PIK3CG: variants seen among roughly 807,000 people sequenced by gnomAD.
The protein encoded by PIK3CG is phosphatidylinositol 4,5-bisphosphate 3-kinase catalytic subunit gamma isoform.
PIK3CG carries 55 observed loss-of-function variants against 102.3 expected under a neutral mutation model. That is an observed-to-expected ratio of 0.54 (90% CI 0.43 to 0.67). The LOEUF is 0.67. Ranked by LOEUF, PIK3CG falls within the 30% of genes least tolerant of loss-of-function variation. PIK3CG has a pLI of 0.00. For synonymous variants in PIK3CG, 552 were observed against 540.0 expected, an observed-to-expected ratio of 1.02 and a Z score of -0.31; for missense variants, 1,258 against 1,391.8, an observed-to-expected ratio of 0.90 and a Z score of 1.53.
chr7:106,871,724 A>C (rs1475696568), intron 2 of PIK3CG, among the ~76,000 whole-genome samples: 1 of 152,256 alleles, frequency 6.6e-6, no homozygotes, highest in Non-Finnish European at 1.5e-5. Flanking sequence ...ACAGAAAAGC[A>C]CAGAGAACAA....
At chr7:106,896,922 A>G (rs1267958997) in intron 10 of PIK3CG, among the ~76,000 whole-genome samples, 1 of 152,196 alleles carries the variant, frequency 6.6e-6, no homozygotes, top group Non-Finnish European at 1.5e-5. Context: ...CAGTTACCCT[A>G]CCACACACAA....
rs781726578 is a variant in PIK3CG, at chr7:106,868,131, C to A, written c.570C>A (p.Ser190Arg). 1 of 1,612,078 alleles carries A rather than the reference C, an allele frequency of 6.2e-7. No homozygotes were observed. The change falls in exon 2 of 11, where the codon AGC (serine) becomes AGA (arginine). Residue 190 changes from serine (S) to arginine (R), a missense_variant. Transcript: ENST00000496166. The surrounding 1 kb of genome is among the most constrained non-coding windows in gnomAD (Gnocchi z 6.2). ...LVTPRMAEVASRDPKLYAMHP... is the reference protein window; with the variant it reads ...LVTPRMAEVARRDPKLYAMHP... ...CCCCGCGCATGGCGGAGGTGGCCAG[C>A]CGCGACCCCAAGCTCTACGCCATGC...
rs1027842045 is a variant in PIK3CG at position 106,893,828 on chromosome 7, C to T, written c.3030+7536C>T. ...TTGTGTAAACATCAGAGTGAACTTA[C>T]ACAAACCTAGGTGGTAGTCTTCCAC... is the stretch of plus-strand genomic sequence containing the variant. On this transcript the variant is annotated intron_variant, in intron 10 of 10. Transcript: ENST00000496166. This position sits in a 1 kb window ranked among gnomAD's most constrained non-coding sequence, Gnocchi z 4.4. Among the ~76,000 whole-genome samples the T allele has an allele frequency of 6.6e-6, 1 of 152,150 alleles. No individual in the cohort carries two copies. Among genetic ancestry groups the T allele is most frequent in the South Asian group, 2.1e-4 (1 of 4,828 alleles).
rs756992475 is a variant in PIK3CG, at chr7:106,869,001, C to T, written c.1440C>T (p.Tyr480=). 2.5e-5 allele frequency: 41 copies of T among 1,614,056 alleles called. No individual in the cohort carries two copies. The highest frequency in any genetic ancestry group is 3.4e-5 in the Non-Finnish European group (40 of 1,180,026). Residue 480 remains tyrosine, a synonymous_variant, in exon 2 of 11, where the codon TAC becomes TAT. Coordinates refer to ENST00000496166, the MANE Select transcript of PIK3CG (RefSeq NM_001282426.2). This position sits in a 1 kb window ranked among gnomAD's most constrained non-coding sequence, Gnocchi z 5.3. ...GTTTCCTCCTGCGCCGTGGAGAATA[C>T]GTCCTCCACATGTGGCAGATATCTG... ...DHRFLLRRGE[Y]VLHMWQISGK...
rs1390175513 is a variant in PIK3CG at position 106,867,832 on chromosome 7, C to T, written c.271C>T (p.Leu91=). The change falls in exon 2 of 11, where the codon CTG becomes TTG. Residue 91 remains leucine, a synonymous_variant. Coordinates refer to ENST00000496166, the MANE Select transcript of PIK3CG (RefSeq NM_001282426.2). The surrounding 1 kb of genome is among the most constrained non-coding windows in gnomAD (Gnocchi z 5.1). ...CGTGGCGGCGGACTTCTACCACCGG[C>T]TGGGACCGCATCACTTCCTCCTGCT... is the stretch of plus-strand genomic sequence containing the variant. ...TSVAADFYHR[L]GPHHFLLLYQ... is the part of the protein sequence containing the mutation. 3.1e-6 allele frequency: 5 copies of T among 1,612,580 alleles called. No homozygotes were observed. Among genetic ancestry groups the T allele is most frequent in the Non-Finnish European group, 4.2e-6 (5 of 1,179,974 alleles).
At position 106,908,121 on chromosome 7, in the gene PIK3CG, T is replaced by C. The variant is rs867375769; in HGVS notation, c.*2734T>C. ...CAGGCCAAAGCAACTTTTATGTATA[T>C]CTAGGACTGGCGACATAATTTGCAG... On this transcript the variant is annotated 3_prime_UTR_variant, in exon 11 of 11. Coordinates refer to ENST00000496166, the MANE Select transcript of PIK3CG (RefSeq NM_001282426.2). The surrounding 1 kb of genome is among the most constrained non-coding windows in gnomAD (Gnocchi z 4.1). Among the ~76,000 whole-genome samples the C allele has an allele frequency of 3.3e-5, 5 of 152,222 alleles. No homozygotes were observed. The highest frequency in any genetic ancestry group is 3.4e-3 in the Middle Eastern group (1 of 294).
At position 106,889,085 on chromosome 7, in the gene PIK3CG, T is replaced by C. The variant is rs150602228; in HGVS notation, c.3030+2793T>C. 7.0e-3 allele frequency among the ~76,000 whole-genome samples: 1,063 copies of C among 152,256 alleles called. 15 individuals carry two copies. Among genetic ancestry groups the C allele is most frequent in the African/African-American group, 0.025 (1,022 of 41,550 alleles). On this transcript the variant is annotated intron_variant, in intron 10 of 10. Transcript: ENST00000496166. ...TTAAGTTGAGAAACCATTTTTGAAA[T>C]GAGATCTCAGGTAATATATAAAACA...
rs17847822 is a variant in PIK3CG at position 106,883,225 on chromosome 7, G to C, written c.2760+62G>C. ...ACAAGTTGTCATTTATATAGCAGTAGTGGCTTCAAGTTTTCAGAGAATCTG... is the reference window on the plus strand; with the variant it reads ...ACAAGTTGTCATTTATATAGCAGTACTGGCTTCAAGTTTTCAGAGAATCTG... On this transcript the variant is annotated intron_variant, in intron 8 of 10. Coordinates refer to ENST00000496166, the MANE Select transcript of PIK3CG (RefSeq NM_001282426.2). The surrounding 1 kb of genome is among the most constrained non-coding windows in gnomAD (Gnocchi z 5.8). 0.11 allele frequency: 173,964 copies of C among 1,549,026 alleles called. 11,008 individuals are homozygous for C. Among genetic ancestry groups the C allele is most frequent in the South Asian group, 0.23 (20,256 of 88,582 alleles).
In PIK3CG at chr7:106,868,232, T is replaced by G. The variant is rs1254950243; in HGVS notation, c.671T>G (p.Ile224Ser). Residue 224 changes from isoleucine (I) to serine (S), a missense_variant, in exon 2 of 11, where the codon ATT becomes AGT. By Grantham distance (142) the Ile-to-Ser change is moderately radical (BLOSUM62 -2). Around this residue, in one of 2 missense-constraint regions of PIK3CG, gnomAD observed 832 missense variants for 787.5 expected, o/e 1.06. Transcript: ENST00000496166. This position sits in a 1 kb window ranked among gnomAD's most constrained non-coding sequence, Gnocchi z 6.2. The stretch of plus-strand genomic sequence containing the variant: ...GCCAACAACTGCATCTTCATCGTCA[T>G]TCACCGCAGCACCACCAGCCAGACC... Reference protein sequence around the residue: ...KIANNCIFIVIHRSTTSQTIK... With the variant: ...KIANNCIFIVSHRSTTSQTIK... The G allele has an allele frequency of 6.2e-7, 1 of 1,612,834 alleles. No homozygotes were observed. Among genetic ancestry groups the G allele is most frequent in the African/African-American group, 1.3e-5 (1 of 75,014 alleles).
intron 10 of PIK3CG, among the ~76,000 whole-genome samples, chr7:106,898,322 G>A (rs1791460394): frequency 6.6e-6 from 1 of 152,168 alleles, no homozygotes; most frequent in South Asian, 2.1e-4. Flanking sequence ...CTCCCATTCT[G>A]TAGGTTGTCT....
rs2116428232 is a variant in PIK3CG at position 106,868,014 on chromosome 7, G to C, written c.453G>C (p.Gln151His). The change falls in exon 2 of 11, where the codon CAG (glutamine) becomes CAC (histidine). Residue 151 changes from glutamine to histidine, a missense_variant. This residue lies in a region of PIK3CG where 832 missense variants were observed against 787.5 expected (regional missense o/e 1.06). Transcript: ENST00000496166. The surrounding 1 kb of genome is among the most constrained non-coding windows in gnomAD (Gnocchi z 6.2). ...CCTCCGAGGAGTCCCAAGCCTTCCA[G>C]CGGCAGCTCACGGCGCTGATTGGCT... ...HPPSEESQAF[Q>H]RQLTALIGYD... is the part of the protein sequence containing the mutation. 1 of 1,612,046 alleles carries C rather than the reference G, an allele frequency of 6.2e-7. No individual in the cohort carries two copies. The highest frequency in any genetic ancestry group is 8.5e-7 in the Non-Finnish European group (1 of 1,178,998).
rs1790316565 is a variant in PIK3CG at position 106,867,225 on chromosome 7, C to G, written c.-12-325C>G. Among the ~76,000 whole-genome samples the G allele has an allele frequency of 6.6e-6, 1 of 152,152 alleles. No homozygotes were observed. The highest frequency in any genetic ancestry group is 2.1e-4 in the South Asian group (1 of 4,816). The stretch of plus-strand genomic sequence containing the variant: ...AGAACGACCAATAAGCCCCCATATA[C>G]CTGTCACCCATATTGAACAAGTATT... On this transcript the variant is annotated intron_variant, in intron 1 of 10. Coordinates refer to ENST00000496166, the MANE Select transcript of PIK3CG (RefSeq NM_001282426.2). This position sits in a 1 kb window ranked among gnomAD's most constrained non-coding sequence, Gnocchi z 5.1.
rs574317853 is a variant in PIK3CG, at chr7:106,891,695, G to T, written c.3030+5403G>T. The stretch of plus-strand genomic sequence containing the variant: ...CAGACAAATCTATGCAAAGCAGGTC[G>T]TTTGAGGACTGTCTTTAAAAGGCAC... On this transcript the variant is annotated intron_variant, in intron 10 of 10. Transcript: ENST00000496166. This position sits in a 1 kb window ranked among gnomAD's most constrained non-coding sequence, Gnocchi z 4.4. Among the ~76,000 whole-genome samples, 9 of 152,036 alleles carry T rather than the reference G, an allele frequency of 5.9e-5. No homozygotes were observed. The highest frequency in any genetic ancestry group is 1.2e-4 in the Non-Finnish European group (8 of 68,004).
In PIK3CG at chr7:106,893,135, G is replaced by A. The variant is rs192409511; in HGVS notation, c.3030+6843G>A. 2.5e-3 allele frequency among the ~76,000 whole-genome samples: 377 copies of A among 152,192 alleles called. 3 individuals carry two copies. Among genetic ancestry groups the A allele is most frequent in the African/African-American group, 8.4e-3 (349 of 41,520 alleles). ...GTCTATTATAGGTCAAGCAGGAGAT[G>A]ACCAGTTCATCTGTCACCCATAATG... is the stretch of plus-strand genomic sequence containing the variant. On this transcript the variant is annotated intron_variant, in intron 10 of 10. Transcript: ENST00000496166. The surrounding 1 kb of genome is among the most constrained non-coding windows in gnomAD (Gnocchi z 4.4).
At position 106,906,726 on chromosome 7, in the gene PIK3CG, T is replaced by G. The variant is rs1005904381; in HGVS notation, c.*1339T>G. 1 of 227,784 alleles carries G rather than the reference T, an allele frequency of 4.4e-6. No homozygotes were observed. The highest frequency in any genetic ancestry group is 8.7e-6 in the Non-Finnish European group (1 of 114,752). 14.1% of individuals were successfully genotyped at this position (227,784 alleles called of 1,614,324 possible). On this transcript the variant is annotated 3_prime_UTR_variant, in exon 11 of 11. Coordinates refer to ENST00000496166, the MANE Select transcript of PIK3CG (RefSeq NM_001282426.2). ...TAATACATTACATAGAAAAAAACTA[T>G]GTTAACAGTGTCTCTGTTTAAGTAT...
chr7:106,889,868 C>G (rs1208436327), intron 10 of PIK3CG, among the ~76,000 whole-genome samples: 1 of 152,148 alleles, frequency 6.6e-6, no homozygotes, highest in Non-Finnish European at 1.5e-5. Context: ...GATAGAGAAA[C>G]ACAAAACCAA....
chr7:106,871,065 G>A (rs1158968421), intron 2 of PIK3CG, among the ~76,000 whole-genome samples: 1 of 152,186 alleles, frequency 6.6e-6, no homozygotes, highest in Non-Finnish European at 1.5e-5. Flanking sequence ...GTTCTTTTTA[G>A]AAATGTGTTA....
chr7:106,874,443 T>G lies in PIK3CG; in HGVS notation c.2288-257T>G, dbSNP rs570838085. ...TTGGATTGTGTTGGTGTCTATGTGT[T>G]ATCCCACATATATTCACATATTTCT... On this transcript the variant is annotated intron_variant, in intron 4 of 10. Transcript: ENST00000496166. The surrounding 1 kb of genome is among the most constrained non-coding windows in gnomAD (Gnocchi z 4.3). 1.9e-4 allele frequency among the ~76,000 whole-genome samples: 29 copies of G among 152,338 alleles called. No individual in the cohort carries two copies. The South Asian group carries it at 3.7e-3, about 20-fold the overall frequency.
Position 106,892,150 on chromosome 7 carries a change from A to T in PIK3CG, c.3030+5858A>T, listed in dbSNP as rs1023263347. 6.6e-6 allele frequency among the ~76,000 whole-genome samples: 1 copy of T among 151,994 alleles called. No individual in the cohort carries two copies. Among genetic ancestry groups the T allele is most frequent in the Admixed American group, 6.6e-5 (1 of 15,250 alleles). ...CTTGAGTATTCTCCCAAGCCCAGCC[A>T]CAGGGACCACAGAGACCTTGTAATC... On this transcript the variant is annotated intron_variant, in intron 10 of 10. Coordinates refer to ENST00000496166, the MANE Select transcript of PIK3CG (RefSeq NM_001282426.2). The surrounding 1 kb of genome is among the most constrained non-coding windows in gnomAD (Gnocchi z 5.2).
Sources: gnomAD v4.1 joint callset for allele counts (sites outside exome capture counted in the v4.1 genomes callset) on GRCh38, gnomAD v4.1.1 for gene constraint, gnomAD v4.1.1 regional missense constraint, Gnocchi (gnomAD v3.1) non-coding constraint, MANE v1.5 for transcripts, NCBI Gene and HGNC (gene_info 2026-07-23, HGNC 2026-07-21) for gene names.